Variants in FYCO1 observed in about 807,000 individuals in gnomAD.
FYCO1 encodes the protein FYVE and coiled-coil domain autophagy adaptor 1.
In FYCO1, 122 loss-of-function variants were observed where a neutral mutation model predicts 165.1. The ratio of observed to expected loss-of-function variants is 0.74; its 90% CI spans 0.64 to 0.86. The LOEUF is 0.86. Ranked by LOEUF, FYCO1 falls within the 40% of genes least tolerant of loss-of-function variation. The probability of loss-of-function intolerance (pLI) is 0.00; values close to 1 mark genes in which losing one functional copy is unlikely to be tolerated. For missense variants in FYCO1, 1,702 were observed against 1,810.3 expected (o/e 0.94, Z 1.09); for synonymous variants, 648 against 742.5 (o/e 0.87, Z 2.07).
intron 16 of FYCO1, among the ~76,000 whole-genome samples, chr3:45,925,086 C>T (rs534342493): frequency 1.3e-5 from 2 of 152,030 alleles, no homozygotes; most frequent in South Asian, 2.1e-4. Flanking sequence ...TACACCAACA[C>T]ACCCAGCTAA....
chr3:45,947,287 C>G, intron 14 of FYCO1: 1 of 1,614,136 alleles, frequency 6.2e-7, no homozygotes, highest in African/African-American at 1.3e-5. Flanking sequence ...TTTCACTACA[C>G]CATCATGGTG....
intron 4 of FYCO1, among the ~76,000 whole-genome samples, chr3:45,977,777 T>C (rs1423822807): frequency 1.3e-5 from 2 of 152,184 alleles, no homozygotes; most frequent in African/African-American, 4.8e-5. Context: ...TTAGCCTAAA[T>C]AGCTACCGCC....
In FYCO1 at chr3:45,993,028, A is replaced by G. The variant is rs897082121; in HGVS notation, c.-113+2694T>C. Among the ~76,000 whole-genome samples, 4 of 152,168 alleles carry G rather than the reference A, an allele frequency of 2.6e-5. No individual in the cohort carries two copies. The highest frequency in any genetic ancestry group is 5.9e-5 in the Non-Finnish European group (4 of 68,032). The stretch of plus-strand genomic sequence containing the variant: ...GGACTGGCCTAGGGTATAGTACTCT[A>G]GATTCCTGAGGTAGTTGGCCAGATC... On this transcript the variant is annotated intron_variant, in intron 1 of 17. Transcript: ENST00000296137. The surrounding 1 kb of genome is among the most constrained non-coding windows in gnomAD (Gnocchi z 4.4).
intron 14 of FYCO1, among the ~76,000 whole-genome samples, chr3:45,937,501 C>G (rs1358784920): frequency 6.6e-6 from 1 of 152,232 alleles, no homozygotes; most frequent in Non-Finnish European, 1.5e-5. Flanking sequence ...GCTCTTTCCT[C>G]CTGAGACCCC....
At chr3:45,946,811 T>G (rs769556864) in intron 14 of FYCO1, 1 of 1,614,094 alleles carries the variant, frequency 6.2e-7, no homozygotes, top group Admixed American at 1.7e-5. Flanking sequence ...GCATCTACAC[T>G]ATTAACTTCT....
chr3:45,931,339 G>A, intron 15 of FYCO1, 58 bp from the exon 16 acceptor site: 1 of 1,527,428 alleles, frequency 6.5e-7, no homozygotes, highest in Non-Finnish European at 9.0e-7. Flanking sequence ...TGTGTCCACT[G>A]GCCAGGTCAT....
chr3:45,979,112 G>C (rs1365034135), intron 4 of FYCO1, among the ~76,000 whole-genome samples: 1 of 151,842 alleles, frequency 6.6e-6, no homozygotes, highest in Non-Finnish European at 1.5e-5. Flanking sequence ...TGCCCGCCTC[G>C]GCCTCCCAAA....
chr3:45,975,286 C>T lies in FYCO1; in HGVS notation c.348G>A (p.Arg116=). Residue 116 remains arginine (R), a synonymous_variant, in exon 5 of 18, where the codon AGG becomes AGA. Transcript: ENST00000296137. The part of the protein sequence containing the change: ...AFIRYSLVHQ[R]LADTLQQCFM... Reference sequence around the variant, plus strand: ...AGCACTGCTGTAAGGTGTCTGCCAACCTCTGGTGCACCAAGGAGTAGCGAA... The same window carrying T: ...AGCACTGCTGTAAGGTGTCTGCCAATCTCTGGTGCACCAAGGAGTAGCGAA... The T allele has an allele frequency of 6.2e-7, 1 of 1,614,158 alleles. No homozygotes were observed. The highest frequency in any genetic ancestry group is 8.5e-7 in the Non-Finnish European group (1 of 1,180,000).
chr3:45,955,295 C>G lies in FYCO1; in HGVS notation c.3898G>C (p.Glu1300Gln), dbSNP rs1159274456. The G allele has an allele frequency of 1.2e-6, 2 of 1,614,130 alleles. No individual in the cohort carries two copies. The highest frequency in any genetic ancestry group is 3.3e-5 in the Admixed American group (2 of 60,028). ...QIQESGSSLP[E>Q]TPTETDSLDP... is the part of the protein sequence containing the mutation. ...AGAGAATCAGTTTCAGTGGGTGTTTCAGGCAAAGAGGAGCCGGACTCCTGT... is the reference window on the plus strand; with the variant it reads ...AGAGAATCAGTTTCAGTGGGTGTTTGAGGCAAAGAGGAGCCGGACTCCTGT... Residue 1300 changes from glutamate to glutamine, a missense_variant, in exon 14 of 18, where the codon GAA (glutamate) becomes CAA (glutamine). By Grantham distance (29) the Glu-to-Gln change is conservative. Coordinates refer to ENST00000296137, the MANE Select transcript of FYCO1 (RefSeq NM_024513.4).
intron 11 of FYCO1, among the ~76,000 whole-genome samples, chr3:45,960,867 C>G (rs1705665166): frequency 6.6e-6 from 1 of 151,992 alleles, no homozygotes; most frequent in Non-Finnish European, 1.5e-5. Flanking sequence ...AGCTCTGGCT[C>G]ACTGGTGTCT....
At position 45,919,013 on chromosome 3, in the gene FYCO1, C is replaced by T. The variant is rs375679427; in HGVS notation, c.*2752G>A. 6.7e-6 allele frequency: 1 copy of T among 149,450 alleles called. No homozygotes were observed. 9.3% of individuals were successfully genotyped at this position (149,450 alleles called of 1,614,324 possible). Reference sequence around the variant, plus strand: ...GCATGATGAAGAAGGCATCTGGTATCGATATGAAGACGTAACTGTTATTCA... The same window carrying T: ...GCATGATGAAGAAGGCATCTGGTATTGATATGAAGACGTAACTGTTATTCA... On this transcript the variant is annotated 3_prime_UTR_variant, in exon 18 of 18. Coordinates refer to ENST00000296137, the MANE Select transcript of FYCO1 (RefSeq NM_024513.4).
chr3:45,980,037 G>A (rs1337855299), intron 3 of FYCO1, among the ~76,000 whole-genome samples: 3 of 152,158 alleles, frequency 2.0e-5, no homozygotes, highest in African/African-American at 4.8e-5. Context: ...TGTTATTAAC[G>A]GATGAGAAAG....
In FYCO1 at chr3:45,966,839, T is replaced by A. The variant is rs1195697950; in HGVS notation, c.2495A>T (p.Glu832Val). 1.2e-6 allele frequency: 2 copies of A among 1,611,752 alleles called. No individual in the cohort carries two copies. Among genetic ancestry groups the A allele is most frequent in the South Asian group, 2.2e-5 (2 of 91,088 alleles). ...GGCTCTGTTAAGGGCTTCATTCTGCTCCTTCAGCTGCTGCACAAGGGTTTT... is the reference window on the plus strand; with the variant it reads ...GGCTCTGTTAAGGGCTTCATTCTGCACCTTCAGCTGCTGCACAAGGGTTTT... ...EHKTLVQQLK[E>V]QNEALNRAHV... Residue 832 changes from glutamate (E) to valine (V), a missense_variant, in exon 8 of 18, where the codon GAG becomes GTG. Transcript: ENST00000296137.
intron 4 of FYCO1, among the ~76,000 whole-genome samples, chr3:45,979,462 C>T (rs543710240): frequency 4.9e-4 from 74 of 152,344 alleles, no homozygotes; most frequent in South Asian, 8.3e-4. Flanking sequence ...AAGTAACATG[C>T]GGGTTGTGGC....
intron 16 of FYCO1, among the ~76,000 whole-genome samples, chr3:45,925,554 G>A (rs1466302692): frequency 6.6e-6 from 1 of 152,120 alleles, no homozygotes; most frequent in Non-Finnish European, 1.5e-5. Flanking sequence ...GTTAATATAA[G>A]GATGCGATTA....
chr3:45,993,753 G>A lies in FYCO1; in HGVS notation c.-113+1969C>T, dbSNP rs184112216. Among the ~76,000 whole-genome samples the A allele has an allele frequency of 1.8e-4, 27 of 152,252 alleles. No individual in the cohort carries two copies. The East Asian group carries it at 4.4e-3, about 25-fold the overall frequency. On this transcript the variant is annotated intron_variant, in intron 1 of 17. Coordinates refer to ENST00000296137, the MANE Select transcript of FYCO1 (RefSeq NM_024513.4). This position sits in a 1 kb window ranked among gnomAD's most constrained non-coding sequence, Gnocchi z 4.4. Reference sequence around the variant, plus strand: ...GTGAACGTGGTTCCTAAATCTAGGTGCCTACCAGTGATTTCCACCATAAGA... The same window carrying A: ...GTGAACGTGGTTCCTAAATCTAGGTACCTACCAGTGATTTCCACCATAAGA...
chr3:45,948,864 T>G (rs1327832416), intron 14 of FYCO1, among the ~76,000 whole-genome samples: 1 of 152,220 alleles, frequency 6.6e-6, no homozygotes, highest in African/African-American at 2.4e-5. Flanking sequence ...GTTTCCTTTC[T>G]TTTTGGTGAA....
chr3:45,980,786 C>T (rs770840781), intron 3 of FYCO1, among the ~76,000 whole-genome samples: 23 of 152,006 alleles, frequency 1.5e-4, no homozygotes, highest in Admixed American at 1.0e-3. Flanking sequence ...GCAAGATATG[C>T]GTATGTTATT....
chr3:45,951,508 T>G (rs1480889091), intron 14 of FYCO1, among the ~76,000 whole-genome samples: 2 of 152,178 alleles, frequency 1.3e-5, no homozygotes, highest in African/African-American at 4.8e-5. Context: ...GAGCAAAGGC[T>G]GAGGGAGCCA....
Sources: gnomAD v4.1 joint callset for allele counts (sites outside exome capture counted in the v4.1 genomes callset) on GRCh38, gnomAD v4.1.1 for gene constraint, Gnocchi (gnomAD v3.1) non-coding constraint, MANE v1.5 for transcripts, NCBI Gene and HGNC (gene_info 2026-07-23, HGNC 2026-07-21) for gene names.